Variants in AKAP10 observed in about 807,000 individuals in gnomAD.
The protein encoded by AKAP10 is A-kinase anchor protein 10, mitochondrial.
Under a neutral mutation model 80.8 loss-of-function variants are expected in AKAP10, and 24 were observed. The observed-to-expected ratio is 0.30, with a 90% CI of 0.22 to 0.42. AKAP10 has a LOEUF of 0.42. Among genes scored for constraint, AKAP10 ranks in the 10% least tolerant of loss-of-function variants. AKAP10 has a pLI of 1.00. For missense variants in AKAP10, 661 were observed against 794.9 expected, an observed-to-expected ratio of 0.83 and a Z score of 2.03; for synonymous variants, 291 against 277.7, an observed-to-expected ratio of 1.05 and a Z score of -0.48.
chr17:19,977,464 C>T lies in AKAP10; in HGVS notation c.88+128G>A, dbSNP rs112458729. ...GGAGCAGAGCAAGGCACTCAGGGGG[C>T]ATCTGCGCCGAGGTCGAGGCTCGCT... is the stretch of plus-strand genomic sequence containing the variant. On this transcript the variant is annotated intron_variant, in intron 1 of 14. Coordinates refer to ENST00000225737, the MANE Select transcript of AKAP10 (RefSeq NM_007202.4). 48 of 637,412 alleles carry T rather than the reference C, an allele frequency of 7.5e-5. No homozygotes were observed. In the South Asian group the frequency reaches 3.8e-3, roughly 50 times the overall value. The allele number at this position is 637,412 out of a possible 1,614,324, so 39.5% of individuals were successfully genotyped here.
At chr17:19,937,376 C>T (rs1241680320) in intron 8 of AKAP10, among the ~76,000 whole-genome samples, 1 of 152,252 alleles carries the variant, frequency 6.6e-6, no homozygotes, top group Non-Finnish European at 1.5e-5. Flanking sequence ...GTGGCCCCCA[C>T]CTGTAATCCC....
intron 9 of AKAP10, among the ~76,000 whole-genome samples, chr17:19,932,449 T>TAAA (rs764580259): frequency 1.5e-3 from 146 of 98,756 alleles, no homozygotes; most frequent in Middle Eastern, 6.4e-3. Context: ...CAAGACTGTC[T>TAAA]AAAAAAAAAA....
At chr17:19,943,721 TAGA>T (rs1043899120) in intron 5 of AKAP10, among the ~76,000 whole-genome samples, 2 of 152,222 alleles carry the variant, frequency 1.3e-5, no homozygotes, top group African/African-American at 2.4e-5. Flanking sequence ...CTCCAATTTA[TAGA>T]AGGTCAGTCA....
chr17:19,968,345 G>A, intron 2 of AKAP10, 69 bp downstream of exon 2: 1 of 1,225,498 alleles, frequency 8.2e-7, no homozygotes, highest in South Asian at 1.3e-5. Context: ...AGTATAACAG[G>A]ATTAAAGAAC....
intron 12 of AKAP10, 28 bp downstream of exon 12, chr17:19,920,008 T>C: frequency 4.4e-6 from 7 of 1,573,434 alleles, no homozygotes; most frequent in Non-Finnish European, 6.1e-6. Flanking sequence ...AGTAAAGGCT[T>C]AATATGAAGT....
At chr17:19,913,153 G>GTTT (rs71357404) in intron 12 of AKAP10, among the ~76,000 whole-genome samples, 14 of 108,958 alleles carry the variant, frequency 1.3e-4, no homozygotes, top group South Asian at 3.1e-4. Context: ...CTGGCTAATT[G>GTTT]TTTTTTTTTT....
intron 5 of AKAP10, 25 bp downstream of exon 5, chr17:19,947,382 T>C: frequency 6.6e-7 from 1 of 1,516,376 alleles, no homozygotes; most frequent in Non-Finnish European, 9.0e-7. Context: ...ATTTTTTTTT[T>C]GCCATAGTTT....
chr17:19,958,649 C>G, intron 3 of AKAP10, 78 bp from the exon 4 acceptor site: 1 of 1,249,534 alleles, frequency 8.0e-7, no homozygotes, highest in Admixed American at 2.5e-5. Context: ...TCACTTTTAG[C>G]AACAACTGGT....
intron 4 of AKAP10, among the ~76,000 whole-genome samples, chr17:19,954,966 TC>T (rs1055486772): frequency 1.3e-5 from 2 of 151,648 alleles, no homozygotes; most frequent in African/African-American, 4.8e-5. Flanking sequence ...ACGCCTGTAA[TC>T]CCAGCACTTT....
At chr17:19,955,086 G>C (rs1465041815) in intron 4 of AKAP10, among the ~76,000 whole-genome samples, 1 of 152,044 alleles carries the variant, frequency 6.6e-6, no homozygotes, top group Non-Finnish European at 1.5e-5. Flanking sequence ...GCCGGGTGTG[G>C]TGGTGCGTGC....
At chr17:19,943,213 C>T (rs1292665855) in intron 5 of AKAP10, among the ~76,000 whole-genome samples, 3 of 152,076 alleles carry the variant, frequency 2.0e-5, no homozygotes, top group African/African-American at 4.8e-5. Flanking sequence ...TAGCATACAG[C>T]GCCTAAAATT....
At chr17:19,965,504 C>T (rs958476309) in intron 2 of AKAP10, among the ~76,000 whole-genome samples, 2 of 152,154 alleles carry the variant, frequency 1.3e-5, no homozygotes, top group African/African-American at 4.8e-5. Flanking sequence ...TCTTTACAGC[C>T]TTCTATACCT....
intron 10 of AKAP10, among the ~76,000 whole-genome samples, chr17:19,931,589 C>A (rs2042933802): frequency 6.6e-6 from 1 of 152,038 alleles, no homozygotes; most frequent in Admixed American, 6.6e-5. Flanking sequence ...TGGGGTTTCA[C>A]CATGTCGGCC....
chr17:19,940,727 T>C (rs2043042936), intron 7 of AKAP10, among the ~76,000 whole-genome samples, 160 bp downstream of exon 7: 1 of 152,216 alleles, frequency 6.6e-6, no homozygotes, highest in Admixed American at 6.5e-5. Context: ...TCTAATATAT[T>C]ATTAAATTAC....
At chr17:19,912,004 C>T (rs747553984) in intron 12 of AKAP10, among the ~76,000 whole-genome samples, 1 of 152,146 alleles carries the variant, frequency 6.6e-6, no homozygotes, top group African/African-American at 2.4e-5. Flanking sequence ...ACATTGGGCA[C>T]GTGCTCATAA....
rs139427120 is a variant in AKAP10 at position 19,919,090 on chromosome 17, C to T, written c.1834+946G>A. Reference sequence around the variant, plus strand: ...ATTCCTCCCCCAGCCCCCCACCCCACGACAGGCCCCAGCGTGTGATGTTCC... The same window carrying T: ...ATTCCTCCCCCAGCCCCCCACCCCATGACAGGCCCCAGCGTGTGATGTTCC... On this transcript the variant is annotated intron_variant, in intron 12 of 14. Coordinates refer to ENST00000225737, the MANE Select transcript of AKAP10 (RefSeq NM_007202.4). Among the ~76,000 whole-genome samples the T allele has an allele frequency of 2.3e-3, 347 of 149,008 alleles. 12 individuals are homozygous for T. The East Asian group carries it at 0.065, about 28-fold the overall frequency.
intron 2 of AKAP10, among the ~76,000 whole-genome samples, chr17:19,966,496 T>C (rs2043420210): frequency 6.6e-6 from 1 of 152,228 alleles, no homozygotes; most frequent in Admixed American, 6.5e-5. Context: ...GCTATTATTA[T>C]TTTGGTCTAT....
At chr17:19,953,427 A>T (rs2043237844) in intron 4 of AKAP10, among the ~76,000 whole-genome samples, 1 of 152,154 alleles carries the variant, frequency 6.6e-6, no homozygotes, top group Non-Finnish European at 1.5e-5. Flanking sequence ...AAAATCAATA[A>T]AATTGAAAAC....
intron 3 of AKAP10, among the ~76,000 whole-genome samples, chr17:19,961,886 T>C (rs2043354020): frequency 6.6e-6 from 1 of 152,048 alleles, no homozygotes; most frequent in African/African-American, 2.4e-5. Context: ...GAGGCCTGTG[T>C]GGGAGAATTG....
Sources: allele counts gnomAD v4.1 joint callset (sites outside exome capture counted in the v4.1 genomes callset), GRCh38; gene constraint gnomAD v4.1.1; transcripts MANE v1.5; gene names NCBI Gene and HGNC (gene_info 2026-07-23, HGNC 2026-07-21).